The following TCTN1 variants were observed in gnomAD, a reference collection of about 807,000 sequenced individuals.
TCTN1 encodes the protein tectonic family member 1.
Under a neutral mutation model 65.8 loss-of-function variants are expected in TCTN1, and 58 were observed. That is an observed-to-expected ratio of 0.88 (90% confidence interval 0.71 to 1.10). The LOEUF is 1.10. Ranked by LOEUF, TCTN1 falls within the 50% of genes least tolerant of loss-of-function variation. TCTN1 has a pLI of 0.00. For synonymous variants in TCTN1, 273 were observed against 289.1 expected, an observed-to-expected ratio of 0.94 and a Z score of 0.57; for missense variants, 645 against 719.4, an observed-to-expected ratio of 0.90 and a Z score of 1.18.
chr12:110,646,808 A>T (rs2067337886), intron 12 of TCTN1: 1 of 254,490 alleles, frequency 3.9e-6, no homozygotes, highest in African/African-American at 2.3e-5. Flanking sequence ...TTTGTCTGCT[A>T]ATAATTATTT....
chr12:110,623,071 G>A lies in TCTN1; in HGVS notation c.341+3115G>A, dbSNP rs769548361. On this transcript the variant is annotated intron_variant, in intron 2 of 14. Transcript: ENST00000397659. ...TTCCATCACTCTAGCCCTCGTGGTC[G>A]TCCATCCCTGCTCCTGCTTTATGAG... 1.8e-4 allele frequency among the ~76,000 whole-genome samples: 28 copies of A among 152,070 alleles called. 1 individual carries two copies. The highest frequency in any genetic ancestry group is 1.0e-3 in the Admixed American group (16 of 15,240).
chr12:110,623,605 T>C (rs2065603954), intron 2 of TCTN1, among the ~76,000 whole-genome samples: 1 of 152,200 alleles, frequency 6.6e-6, no homozygotes, highest in Non-Finnish European at 1.5e-5. Flanking sequence ...GTTGTCATTA[T>C]AGCATTACAT....
rs2065844244 is a variant in TCTN1, at chr12:110,626,400, A to G, written c.380A>G (p.Tyr127Cys). The G allele has an allele frequency of 9.4e-6, 15 of 1,602,474 alleles. No individual in the cohort carries two copies. Among genetic ancestry groups the G allele is most frequent in the Admixed American group, 5.1e-5 (3 of 58,596 alleles). The stretch of plus-strand genomic sequence containing the variant: ...TTTTGTAGTCAAAAAGCAGTCATCT[A>G]TTCATTGAATTTTACAGCAAACCCA... Reference protein sequence around the residue: ...SQFCSQKAVIYSLNFTANPPQ... With the variant: ...SQFCSQKAVICSLNFTANPPQ... The change falls in exon 3 of 15, where the codon TAT becomes TGT. Residue 127 changes from tyrosine (Y) to cysteine (C), a missense_variant. By Grantham distance (194) the Tyr-to-Cys change is radical. Coordinates refer to ENST00000397659, the MANE Select transcript of TCTN1 (RefSeq NM_001082538.3).
rs577724884 is a variant in TCTN1, at chr12:110,619,976, A to G, written c.341+20A>G. 3.1e-6 allele frequency: 5 copies of G among 1,614,194 alleles called. No homozygotes were observed. The highest frequency in any genetic ancestry group is 2.2e-5 in the South Asian group (2 of 91,090). ...TGTCACGTAAGTTTACGTATGACACATGCAATTTTGAAAAAATTTGACCAG... is the reference window on the plus strand; with the variant it reads ...TGTCACGTAAGTTTACGTATGACACGTGCAATTTTGAAAAAATTTGACCAG... On this transcript the variant is annotated intron_variant, in intron 2 of 14. Coordinates refer to ENST00000397659, the MANE Select transcript of TCTN1 (RefSeq NM_001082538.3).
Position 110,641,022 on chromosome 12 carries a change from A to G in TCTN1, c.979-2A>G, listed in dbSNP as rs886044606. The G allele has an allele frequency of 1.2e-6, 2 of 1,614,204 alleles. No individual in the cohort carries two copies. The highest frequency in any genetic ancestry group is 1.7e-6 in the Non-Finnish European group (2 of 1,180,036). ...ATATTTGGAGTATCATTTTGTTTTTAGGTAAAGTACAGCCTCACATACACA... is the reference window on the plus strand; with the variant it reads ...ATATTTGGAGTATCATTTTGTTTTTGGGTAAAGTACAGCCTCACATACACA... On this transcript the variant is annotated splice_acceptor_variant, in intron 8 of 14. Coordinates refer to ENST00000397659, the MANE Select transcript of TCTN1 (RefSeq NM_001082538.3). LOFTEE classifies it high-confidence loss of function.
At position 110,640,397 on chromosome 12, in the gene TCTN1, T is replaced by G. The variant is rs770733945; in HGVS notation, c.858T>G (p.Val286=). 11 of 1,614,042 alleles carry G rather than the reference T, an allele frequency of 6.8e-6. No homozygotes were observed. The highest frequency in any genetic ancestry group is 9.3e-6 in the Non-Finnish European group (11 of 1,180,026). Residue 286 remains valine (V), a synonymous_variant, in exon 8 of 15, where the codon GTT becomes GTG. Transcript: ENST00000397659. This position sits in a 1 kb window ranked among gnomAD's most constrained non-coding sequence, Gnocchi z 4.9. ...PDSRKKVPIT[V]QSIVIQSLNK... is the part of the protein sequence containing the mutation. ...TCACTCTGCAGGTCCCTATCACTGT[T>G]CAGTCCATCGTCATTCAGTCTCTAA... is the stretch of plus-strand genomic sequence containing the variant.
At chr12:110,625,590 C>CA (rs1357562276) in intron 2 of TCTN1, 1 of 151,596 alleles carries the variant, frequency 6.6e-6, no homozygotes, top group Non-Finnish European at 1.5e-5. Context: ...AATAAAAATA[C>CA]AAAAATTAGC....
intron 3 of TCTN1, chr12:110,628,247 T>C: frequency 6.5e-7 from 1 of 1,535,090 alleles, no homozygotes; most frequent in Admixed American, 2.0e-5. Context: ...AACTATTACT[T>C]CCCCATTATT....
In TCTN1 at chr12:110,632,488, A is replaced by C; in HGVS notation, c.641A>C (p.Gln214Pro). The C allele has an allele frequency of 6.2e-7, 1 of 1,614,056 alleles. No homozygotes were observed. The highest frequency in any genetic ancestry group is 8.5e-7 in the Non-Finnish European group (1 of 1,179,942). Residue 214 changes from glutamine to proline, a missense_variant, in exon 5 of 15, where the codon CAG becomes CCG. Coordinates refer to ENST00000397659, the MANE Select transcript of TCTN1 (RefSeq NM_001082538.3). Reference sequence around the variant, plus strand: ...TGTTTGCAGTATGGGGTTCCTCTGCAGACTTCAGATTCGTTTCTGAGATTT... The same window carrying C: ...TGTTTGCAGTATGGGGTTCCTCTGCCGACTTCAGATTCGTTTCTGAGATTT... ...AAKYEYGVPL[Q>P]TSDSFLRFPS...
At chr12:110,629,706 A>G (rs188166212) in intron 4 of TCTN1, 47 of 152,348 alleles carry the variant, frequency 3.1e-4, no homozygotes, top group African/African-American at 1.1e-3. Flanking sequence ...AGGATCTAGA[A>G]CCTAAAATAC....
At chr12:110,641,818 G>GCCCCAGC in intron 10 of TCTN1, 191 bp downstream of exon 10, 1 of 607,564 alleles carries the variant, frequency 1.6e-6, no homozygotes, top group Non-Finnish European at 2.9e-6. Flanking sequence ...GGGGAGACTG[G>GCCCCAGC]CAGTTGGGGG....
chr12:110,614,317 C>G lies in TCTN1; in HGVS notation c.135C>G (p.Phe45Leu). ...LNSTEAALAT[F>L]GTFPSTRPPG... ...CCACCGAGGCAGCCCTGGCCACCTT[C>G]GGAACTTTCCCGTCGACCAGGCCCC... The change falls in exon 1 of 15, where the codon TTC becomes TTG. Residue 45 changes from phenylalanine to leucine, a missense_variant. Transcript: ENST00000397659. 6.2e-7 allele frequency: 1 copy of G among 1,604,364 alleles called. No individual in the cohort carries two copies.
At chr12:110,647,099 A>G in intron 12 of TCTN1, 97 bp from the exon 13 acceptor site, 1 of 1,453,328 alleles carries the variant, frequency 6.9e-7, no homozygotes, top group South Asian at 1.2e-5. Flanking sequence ...TTTCTTGTTC[A>G]GAACATTTTG....
chr12:110,632,529 T>C lies in TCTN1; in HGVS notation c.682T>C (p.Ser228Pro). 1 of 1,614,082 alleles carries C rather than the reference T, an allele frequency of 6.2e-7. No individual in the cohort carries two copies. Among genetic ancestry groups the C allele is most frequent in the Non-Finnish European group, 8.5e-7 (1 of 1,179,946 alleles). The change falls in exon 5 of 15, where the codon TCA (serine) becomes CCA (proline). Residue 228 changes from serine to proline, a missense_variant. Coordinates refer to ENST00000397659, the MANE Select transcript of TCTN1 (RefSeq NM_001082538.3). Reference sequence around the variant, plus strand: ...TCTGAGATTTCCTTCGTCCCTGACATCATCTCTGTGCACTGATAATAACCC... The same window carrying C: ...TCTGAGATTTCCTTCGTCCCTGACACCATCTCTGTGCACTGATAATAACCC... ...SFLRFPSSLT[S>P]SLCTDNNPAA...
chr12:110,632,735 C>T (rs923457331), intron 5 of TCTN1, 176 bp downstream of exon 5: 1 of 663,942 alleles, frequency 1.5e-6, no homozygotes, highest in South Asian at 1.6e-5. Context: ...TAACTAAAAA[C>T]AGAATCTTCG....
chr12:110,620,101 A>G (rs2065312460), intron 2 of TCTN1, 145 bp downstream of exon 2: 3 of 1,271,970 alleles, frequency 2.4e-6, no homozygotes, highest in Non-Finnish European at 2.2e-6. Context: ...CGTCCAAACA[A>G]ATATGTAAAA....
chr12:110,628,556 G>A (rs1206083774), intron 3 of TCTN1, among the ~76,000 whole-genome samples: 4 of 151,966 alleles, frequency 2.6e-5, no homozygotes, highest in African/African-American at 9.7e-5. Flanking sequence ...GGCCAGGCTG[G>A]TCTCAAACTC....
At position 110,640,579 on chromosome 12, in the gene TCTN1, G is replaced by A. The variant is rs1011177096; in HGVS notation, c.978+62G>A. Reference sequence around the variant, plus strand: ...GCAGACTTAAGCCTCTTGTTGCGCCGGGGTAACTGGACGCCCTCCGAGGAC... The same window carrying A: ...GCAGACTTAAGCCTCTTGTTGCGCCAGGGTAACTGGACGCCCTCCGAGGAC... On this transcript the variant is annotated intron_variant, in intron 8 of 14. Transcript: ENST00000397659. The surrounding 1 kb of genome is among the most constrained non-coding windows in gnomAD (Gnocchi z 4.9). 2.7e-5 allele frequency: 43 copies of A among 1,611,848 alleles called. No individual in the cohort carries two copies. Among genetic ancestry groups the A allele is most frequent in the African/African-American group, 1.2e-4 (9 of 74,860 alleles).
At chr12:110,634,564 AT>A in intron 5 of TCTN1, 105 bp from the exon 6 acceptor site, 1 of 844,956 alleles carries the variant, frequency 1.2e-6, no homozygotes, top group East Asian at 2.7e-5. Flanking sequence ...GTTGTAACTT[AT>A]TTTACAGTTT....
Sources: allele counts gnomAD v4.1 joint callset (sites outside exome capture counted in the v4.1 genomes callset), GRCh38; gene constraint gnomAD v4.1.1; non-coding constraint Gnocchi (gnomAD v3.1); transcripts MANE v1.5; gene names NCBI Gene and HGNC (gene_info 2026-07-23, HGNC 2026-07-21).